The following GRIA4 variants were observed in gnomAD, a reference collection of about 807,000 sequenced individuals.
GRIA4 encodes glutamate receptor 4.
GRIA4 carries 34 observed loss-of-function variants against 104.0 expected under a neutral mutation model. That is an observed-to-expected ratio of 0.33 (90% CI 0.25 to 0.44). GRIA4 has a LOEUF of 0.44. GRIA4 is among the 20% of genes least tolerant of loss of function. GRIA4 has a pLI of 1.00. For synonymous variants in GRIA4, 386 were observed against 381.9 expected, an observed-to-expected ratio of 1.01 and a Z score of -0.13; for missense variants, 750 against 1,096.5, an observed-to-expected ratio of 0.68 and a Z score of 4.46.
intron 4 of GRIA4, among the ~76,000 whole-genome samples, chr11:105,764,332 G>T (rs188060518): frequency 9.9e-4 from 150 of 152,024 alleles, no homozygotes; most frequent in African/African-American, 3.4e-3. Context: ...GTAGAGACAG[G>T]GTTTCACCAT....
chr11:105,937,964 A>G (rs1252852389), intron 14 of GRIA4, among the ~76,000 whole-genome samples: 2 of 152,158 alleles, frequency 1.3e-5, no homozygotes, highest in Non-Finnish European at 2.9e-5. Context: ...CCCCACAGCA[A>G]TAGCACGGCA....
At chr11:105,658,790 A>G (rs973802321) in intron 3 of GRIA4, among the ~76,000 whole-genome samples, 1 of 151,912 alleles carries the variant, frequency 6.6e-6, no homozygotes, top group African/African-American at 2.4e-5. Context: ...GTTATTTGTG[A>G]GAAAGTAACA....
chr11:105,859,158 C>T (rs1945126452), intron 4 of GRIA4, among the ~76,000 whole-genome samples: 1 of 152,014 alleles, frequency 6.6e-6, no homozygotes, highest in Non-Finnish European at 1.5e-5. Flanking sequence ...AATATATTTC[C>T]AGCTATGTTA....
At chr11:105,887,181 C>T (rs552452153) in intron 5 of GRIA4, among the ~76,000 whole-genome samples, 34 of 152,038 alleles carry the variant, frequency 2.2e-4, no homozygotes, top group Non-Finnish European at 3.7e-4. Context: ...CTAAATTCTT[C>T]GGATGAAAAT....
In GRIA4 at chr11:105,979,946, G is replaced by T; in HGVS notation, c.*207G>T. ...AACCCAAACTCAGATTTTATATCAGGAAAACTCACAATTGAGGTTTTTTTC... is the reference window on the plus strand; with the variant it reads ...AACCCAAACTCAGATTTTATATCAGTAAAACTCACAATTGAGGTTTTTTTC... On this transcript the variant is annotated 3_prime_UTR_variant, in exon 17 of 17. Transcript: ENST00000282499. The T allele has an allele frequency of 1.0e-3, 371 of 367,622 alleles. No homozygotes were observed. The highest frequency in any genetic ancestry group is 2.4e-3 in the Middle Eastern group (3 of 1,228). 22.8% of individuals were successfully genotyped at this position (367,622 alleles called of 1,614,324 possible). A position where few individuals can be genotyped will look rare whatever the true frequency, so the allele number is the denominator to read the frequency against.
rs569077781 is a variant in GRIA4 at position 105,978,605 on chromosome 11, G to A, written c.2545-970G>A. ...AAGCTCCAGGGCAGAATAAACACAG[G>A]GATGGAATTTCCTAAAGATTTGGAT... On this transcript the variant is annotated intron_variant, in intron 16 of 16. Transcript: ENST00000282499. Among the ~76,000 whole-genome samples, 15 of 152,090 alleles carry A rather than the reference G, an allele frequency of 9.9e-5. No individual in the cohort carries two copies. The East Asian group carries it at 2.7e-3, about 27-fold the overall frequency.
Position 105,743,307 on chromosome 11 carries a change from A to G in GRIA4, c.248-9674A>G, listed in dbSNP as rs1178062442. Among the ~76,000 whole-genome samples the G allele has an allele frequency of 2.0e-5, 3 of 152,198 alleles. 1 individual carries two copies. ...TCAAATGTTAACAACAACCTGATAA[A>G]GTCTCCCAGACAACTCAGGGACTTC... On this transcript the variant is annotated intron_variant, in intron 3 of 16. Coordinates refer to ENST00000282499, the MANE Select transcript of GRIA4 (RefSeq NM_000829.4).
At chr11:105,850,085 G>T (rs771925640) in intron 4 of GRIA4, among the ~76,000 whole-genome samples, 1 of 152,038 alleles carries the variant, frequency 6.6e-6, no homozygotes, top group Non-Finnish European at 1.5e-5. Context: ...CTACCAAAAT[G>T]TCGGTGGCAC....
intron 4 of GRIA4, among the ~76,000 whole-genome samples, chr11:105,838,837 A>T (rs1944285967): frequency 6.6e-6 from 1 of 152,196 alleles, no homozygotes; most frequent in African/African-American, 2.4e-5. Flanking sequence ...TGGACTGAAG[A>T]AGATGCTGCC....
Position 105,796,205 on chromosome 11 carries a change from A to G in GRIA4, c.487+42985A>G, listed in dbSNP as rs182540646. 2.0e-5 allele frequency among the ~76,000 whole-genome samples: 3 copies of G among 152,246 alleles called. No individual in the cohort carries two copies. In the East Asian group the frequency reaches 5.8e-4, roughly 29 times the overall value. On this transcript the variant is annotated intron_variant, in intron 4 of 16. Transcript: ENST00000282499. The stretch of plus-strand genomic sequence containing the variant: ...ATTGATTCCATCCAACTTATCCATT[A>G]TCCTAAAATCAAATGCAGTACATTT...
chr11:105,651,348 G>C (rs75921708), intron 3 of GRIA4, among the ~76,000 whole-genome samples: 4,262 of 128,202 alleles, frequency 0.033, 121 homozygotes, highest in African/African-American at 0.083. Flanking sequence ...CTGAATCTGT[G>C]ATTCCCAAAC....
chr11:105,932,729 A>G (rs1947918636), intron 13 of GRIA4, among the ~76,000 whole-genome samples: 2 of 152,110 alleles, frequency 1.3e-5, no homozygotes, highest in South Asian at 4.1e-4. Flanking sequence ...TTAAAGTTCA[A>G]TATATGTTCT....
intron 3 of GRIA4, among the ~76,000 whole-genome samples, chr11:105,739,893 A>C (rs751215946): frequency 1.3e-5 from 2 of 152,204 alleles, no homozygotes; most frequent in Non-Finnish European, 2.9e-5. Context: ...GTAAAAATTA[A>C]GTTAATATAG....
At chr11:105,668,675 G>GTTTTTTTTTTTT in intron 3 of GRIA4, among the ~76,000 whole-genome samples, 1 of 121,448 alleles carries the variant, frequency 8.2e-6, no homozygotes, top group Non-Finnish European at 1.7e-5. Context: ...ATTATCTTTT[G>GTTTTTTTTTTTT]TCTTTTTTTT....
At chr11:105,833,741 T>C (rs936259972) in intron 4 of GRIA4, among the ~76,000 whole-genome samples, 16 of 152,004 alleles carry the variant, frequency 1.1e-4, no homozygotes, top group Admixed American at 4.6e-4. Context: ...TTCTATTTTT[T>C]AAAGTGCAGA....
chr11:105,806,402 T>C lies in GRIA4; in HGVS notation c.487+53182T>C, dbSNP rs1184150961. Among the ~76,000 whole-genome samples, 3 of 151,792 alleles carry C rather than the reference T, an allele frequency of 2.0e-5. No individual in the cohort carries two copies. The East Asian group carries it at 5.8e-4, about 29-fold the overall frequency. ...AGAACCCATCAGAAAAGTTGAAGAA[T>C]GGAGGTACCAGTTTCCTTGAAAAGA... is the stretch of plus-strand genomic sequence containing the variant. On this transcript the variant is annotated intron_variant, in intron 4 of 16. Transcript: ENST00000282499.
intron 3 of GRIA4, among the ~76,000 whole-genome samples, chr11:105,658,220 A>G (rs925739798): frequency 1.3e-5 from 2 of 151,842 alleles, no homozygotes; most frequent in Non-Finnish European, 2.9e-5. Flanking sequence ...TAAAATACAT[A>G]TATTTCTAGT....
At chr11:105,613,238 GT>G (rs1257216200) in intron 3 of GRIA4, 2 of 151,478 alleles carry the variant, frequency 1.3e-5, no homozygotes, top group African/African-American at 2.4e-5. Context: ...ATAACTTAAT[GT>G]AAAAAAAAAA....
At chr11:105,861,335 G>A (rs1945217599) in intron 4 of GRIA4, among the ~76,000 whole-genome samples, 2 of 152,046 alleles carry the variant, frequency 1.3e-5, no homozygotes, top group African/African-American at 4.8e-5. Flanking sequence ...CCTTTACCTT[G>A]AGTCCGGCTA....
Sources: gnomAD v4.1 joint callset for allele counts (sites outside exome capture counted in the v4.1 genomes callset) on GRCh38, gnomAD v4.1.1 for gene constraint, MANE v1.5 for transcripts, NCBI Gene and HGNC (gene_info 2026-07-23, HGNC 2026-07-21) for gene names.